SIMC1: variants seen among roughly 807,000 people sequenced by gnomAD.
SIMC1 encodes SUMO-interacting motif-containing protein 1.
SIMC1 carries 55 observed loss-of-function variants against 82.3 expected under a neutral mutation model. The ratio of observed to expected loss-of-function variants is 0.67; its 90% CI spans 0.54 to 0.84. The LOEUF (loss-of-function observed/expected upper bound fraction) is 0.84. Ranked by LOEUF, SIMC1 falls within the 40% of genes least tolerant of loss-of-function variation. The probability of loss-of-function intolerance (pLI) is 0.00; values close to 1 mark genes in which losing one functional copy is unlikely to be tolerated. For synonymous variants in SIMC1, 353 were observed against 426.3 expected, an observed-to-expected ratio of 0.83 and a Z score of 2.12; for missense variants, 915 against 1,107.2, an observed-to-expected ratio of 0.83 and a Z score of 2.46.
intron 6 of SIMC1, among the ~76,000 whole-genome samples, chr5:176,323,073 G>A (rs1765232336): frequency 6.6e-6 from 1 of 152,196 alleles, no homozygotes; most frequent in Non-Finnish European, 1.5e-5. Context: ...CATTTCAAAT[G>A]TAACATTTGT....
chr5:176,311,869 G>A (rs1764678945), intron 4 of SIMC1, among the ~76,000 whole-genome samples: 1 of 152,186 alleles, frequency 6.6e-6, no homozygotes, highest in Admixed American at 6.6e-5. Context: ...CCTTGACGAT[G>A]TAAAACGGAA....
intron 1 of SIMC1, among the ~76,000 whole-genome samples, chr5:176,264,447 G>A (rs1303893559): frequency 6.6e-6 from 1 of 152,226 alleles, no homozygotes; most frequent in Non-Finnish European, 1.5e-5. Flanking sequence ...TGTGTCTACA[G>A]ACTTAACACC....
intron 5 of SIMC1, among the ~76,000 whole-genome samples, chr5:176,315,678 A>G (rs1764869591): frequency 6.6e-6 from 1 of 152,176 alleles, no homozygotes; most frequent in African/African-American, 2.4e-5. Context: ...GGCAATGACT[A>G]CGATAAATCC....
intron 2 of SIMC1, among the ~76,000 whole-genome samples, chr5:176,292,969 G>A (rs555028627): frequency 6.6e-6 from 1 of 152,108 alleles, no homozygotes; most frequent in South Asian, 2.1e-4. Flanking sequence ...TTGTTTATGG[G>A]GAGTAGGGGT....
intron 7 of SIMC1, among the ~76,000 whole-genome samples, chr5:176,332,263 A>C (rs1363456200): frequency 1.3e-5 from 2 of 151,918 alleles, no homozygotes; most frequent in Non-Finnish European, 2.9e-5. Context: ...TCTCTTTTTT[A>C]AATTAAAATC....
rs772983836 is a variant in SIMC1 at position 176,345,456 on chromosome 5, A to C, written c.*11A>C. 59 of 1,604,310 alleles carry C rather than the reference A, an allele frequency of 3.7e-5. No homozygotes were observed. In the East Asian group the frequency reaches 1.2e-3, roughly 33 times the overall value. On this transcript the variant is annotated 3_prime_UTR_variant, in exon 10 of 10. Transcript: ENST00000429602. Reference sequence around the variant, plus strand: ...TGGAGCGGCTCCTGAGGGCCTGCCAAGCACTGAATGCCAAGAATACCTCCT... The same window carrying C: ...TGGAGCGGCTCCTGAGGGCCTGCCACGCACTGAATGCCAAGAATACCTCCT...
intron 4 of SIMC1, among the ~76,000 whole-genome samples, chr5:176,300,739 T>C (rs1252262387): frequency 1.3e-5 from 2 of 152,018 alleles, no homozygotes; most frequent in Non-Finnish European, 2.9e-5. Context: ...TTTTTAAAAA[T>C]TACTAAAATC....
chr5:176,255,844 C>T (rs904056947), intron 1 of SIMC1, among the ~76,000 whole-genome samples: 5 of 151,128 alleles, frequency 3.3e-5, no homozygotes, highest in East Asian at 3.9e-4. Flanking sequence ...AGTGTCAGGC[C>T]GTTAAAGCAG....
chr5:176,301,432 G>A (rs1172263658), intron 4 of SIMC1, among the ~76,000 whole-genome samples: 1 of 152,090 alleles, frequency 6.6e-6, no homozygotes, highest in African/African-American at 2.4e-5. Flanking sequence ...CCCAGTCTAG[G>A]GTATGTCTTT....
At chr5:176,286,221 A>T (rs566252824) in intron 1 of SIMC1, among the ~76,000 whole-genome samples, 54 of 152,414 alleles carry the variant, frequency 3.5e-4, no homozygotes, top group African/African-American at 9.6e-4. Context: ...GCATCATGCT[A>T]CCTGACTTCA....
At chr5:176,306,947 C>T (rs1228284057) in intron 4 of SIMC1, among the ~76,000 whole-genome samples, 10 of 151,614 alleles carry the variant, frequency 6.6e-5, no homozygotes, top group Non-Finnish European at 1.5e-4. Flanking sequence ...TAAAGAACTC[C>T]AGCAACTCAA....
At chr5:176,336,633 A>G in intron 7 of SIMC1, 87 bp from the exon 8 acceptor site, 1 of 1,523,088 alleles carries the variant, frequency 6.6e-7, no homozygotes, top group South Asian at 1.3e-5. Context: ...TTTTAGGACA[A>G]ATGTTGTACA....
At chr5:176,335,269 G>GTA (rs1765839785) in intron 7 of SIMC1, among the ~76,000 whole-genome samples, 1 of 111,710 alleles carries the variant, frequency 9.0e-6, no homozygotes, top group Admixed American at 9.4e-5. Flanking sequence ...GCCTTTCTTT[G>GTA]TATCTTTTTT....
chr5:176,258,379 T>C (rs148298055), intron 1 of SIMC1, among the ~76,000 whole-genome samples: 1 of 150,734 alleles, frequency 6.6e-6, no homozygotes, highest in Non-Finnish European at 1.5e-5. Context: ...GTAGAGCAGG[T>C]TTACCACCGC....
chr5:176,333,083 C>T (rs1474399577), intron 7 of SIMC1, among the ~76,000 whole-genome samples: 2 of 152,160 alleles, frequency 1.3e-5, no homozygotes. Flanking sequence ...GTGGGCAGAT[C>T]ACTTGATGTC....
intron 1 of SIMC1, among the ~76,000 whole-genome samples, chr5:176,268,831 T>C (rs1762308997): frequency 6.6e-6 from 1 of 152,192 alleles, no homozygotes; most frequent in South Asian, 2.1e-4. Flanking sequence ...ACCTGATTGA[T>C]ATTTATAGAA....
chr5:176,292,969 G>C (rs555028627), intron 2 of SIMC1, among the ~76,000 whole-genome samples: 63 of 152,226 alleles, frequency 4.1e-4, no homozygotes, highest in Admixed American at 8.5e-4. Flanking sequence ...TTGTTTATGG[G>C]GAGTAGGGGT....
intron 1 of SIMC1, chr5:176,270,289 G>A (rs1762369394): frequency 6.6e-6 from 1 of 152,028 alleles, no homozygotes; most frequent in Admixed American, 6.6e-5. Context: ...TTTAAACTCT[G>A]AGTAAACTAG....
chr5:176,251,010 C>G (rs1460731533), intron 1 of SIMC1, among the ~76,000 whole-genome samples: 1 of 152,134 alleles, frequency 6.6e-6, no homozygotes, highest in African/African-American at 2.4e-5. Context: ...ATGATGCTAG[C>G]TGGTTGTTTT....
Sources: gnomAD v4.1 joint callset for allele counts (sites outside exome capture counted in the v4.1 genomes callset) on GRCh38, gnomAD v4.1.1 for gene constraint, MANE v1.5 for transcripts, NCBI Gene and HGNC (gene_info 2026-07-23, HGNC 2026-07-21) for gene names.